The following FGD4 variants were observed in gnomAD, a reference collection of about 807,000 sequenced individuals.
FGD4 encodes the protein FYVE, RhoGEF and PH domain-containing protein 4.
In FGD4, 42 loss-of-function variants were observed where a neutral mutation model predicts 102.0. The ratio of observed to expected loss-of-function variants is 0.41; its 90% CI spans 0.32 to 0.53. FGD4 has a LOEUF of 0.53. Among genes scored for constraint, FGD4 ranks in the 20% least tolerant of loss-of-function variants. The probability of loss-of-function intolerance (pLI) is 0.21; values close to 1 mark genes in which losing one functional copy is unlikely to be tolerated. For missense variants in FGD4, 902 were observed against 1,078.2 expected (o/e 0.84, Z 2.29); for synonymous variants, 380 against 375.7 (o/e 1.01, Z -0.13).
At chr12:32,421,324 G>T (rs1175648579) in intron 1 of FGD4, among the ~76,000 whole-genome samples, 1 of 152,094 alleles carries the variant, frequency 6.6e-6, no homozygotes, top group Non-Finnish European at 1.5e-5. Context: ...TTTGTGCTGG[G>T]GTGTATTAGA....
intron 1 of FGD4, among the ~76,000 whole-genome samples, chr12:32,421,572 C>G (rs972115595): frequency 6.6e-6 from 1 of 152,122 alleles, no homozygotes; most frequent in Non-Finnish European, 1.5e-5. Context: ...TCTATCATAT[C>G]CCATTTCCAC....
intron 1 of FGD4, among the ~76,000 whole-genome samples, chr12:32,503,258 C>T (rs1299634347): frequency 6.6e-6 from 1 of 152,120 alleles, no homozygotes; most frequent in Non-Finnish European, 1.5e-5. Context: ...CTCTGTGAGT[C>T]TAACTGGGTC....
chr12:32,424,009 A>G (rs1241952470), intron 1 of FGD4, among the ~76,000 whole-genome samples: 1 of 152,150 alleles, frequency 6.6e-6, no homozygotes, highest in Non-Finnish European at 1.5e-5. Context: ...CATTTGACTT[A>G]ACATAATGTT....
chr12:32,614,746 T>A (rs1035506354), intron 10 of FGD4, among the ~76,000 whole-genome samples: 1 of 152,254 alleles, frequency 6.6e-6, no homozygotes, highest in African/African-American at 2.4e-5. Context: ...GTTAATAGTG[T>A]AAAAACTACT....
chr12:32,438,883 C>G (rs2136451344), intron 1 of FGD4, among the ~76,000 whole-genome samples: 1 of 152,236 alleles, frequency 6.6e-6, no homozygotes, highest in Middle Eastern at 3.4e-3. Context: ...GCTGGGATTA[C>G]AGGCGTGAGC....
intron 1 of FGD4, among the ~76,000 whole-genome samples, chr12:32,475,524 A>G (rs945478275): frequency 6.6e-6 from 1 of 152,194 alleles, no homozygotes; most frequent in Admixed American, 6.5e-5. Context: ...TGGTCTAGTT[A>G]TGTGATTCCA....
intron 8 of FGD4, among the ~76,000 whole-genome samples, chr12:32,609,905 C>T (rs1386881773): frequency 6.6e-6 from 1 of 152,148 alleles, no homozygotes; most frequent in Non-Finnish European, 1.5e-5. Flanking sequence ...AGCAAGAGGT[C>T]TCGGCATCCA....
intron 1 of FGD4, among the ~76,000 whole-genome samples, chr12:32,541,346 A>G (rs1242834535): frequency 1.3e-5 from 2 of 152,200 alleles, no homozygotes; most frequent in African/African-American, 4.8e-5. Flanking sequence ...GCTAAATATT[A>G]AATGTTTAGT....
intron 1 of FGD4, among the ~76,000 whole-genome samples, chr12:32,451,927 G>C (rs1361208678): frequency 6.8e-6 from 1 of 146,344 alleles, no homozygotes; most frequent in African/African-American, 2.5e-5. Flanking sequence ...TTTCCTACCT[G>C]CCCGAGCTAT....
chr12:32,473,270 T>C (rs1591969473), intron 1 of FGD4, among the ~76,000 whole-genome samples: 1 of 151,788 alleles, frequency 6.6e-6, no homozygotes, highest in Non-Finnish European at 1.5e-5. Flanking sequence ...TTCCACACTG[T>C]GGAAGTTTTG....
Position 32,399,757 on chromosome 12 carries a change from C to A in FGD4, c.-37C>A. 6.6e-7 allele frequency: 1 copy of A among 1,524,270 alleles called. No homozygotes were observed. Among genetic ancestry groups the A allele is most frequent in the East Asian group, 2.5e-5 (1 of 39,486 alleles). 94.4% of individuals were successfully genotyped at this position (1,524,270 alleles called of 1,614,324 possible). On this transcript the variant is annotated 5_prime_UTR_variant, in exon 1 of 17. Coordinates refer to ENST00000534526, the MANE Select transcript of FGD4 (RefSeq NM_001370298.3). ...GGGGCCGCTCGCGGCTGGACGGGAG[C>A]GGGAGGAGTCGGGGAGCGGCGGTCG...
intron 1 of FGD4, among the ~76,000 whole-genome samples, chr12:32,525,511 G>C (rs565219173): frequency 2.4e-4 from 37 of 152,342 alleles, no homozygotes; most frequent in African/African-American, 6.5e-4. Context: ...CAGCGTGCTG[G>C]CAGTCCTCAG....
At chr12:32,412,178 G>C (rs1565725069) in intron 1 of FGD4, among the ~76,000 whole-genome samples, 1 of 152,184 alleles carries the variant, frequency 6.6e-6, no homozygotes, top group Non-Finnish European at 1.5e-5. Context: ...TGAGGGAACA[G>C]AGACTGATGT....
At chr12:32,461,788 G>A (rs1943110843) in intron 1 of FGD4, among the ~76,000 whole-genome samples, 1 of 152,078 alleles carries the variant, frequency 6.6e-6, no homozygotes, top group South Asian at 2.1e-4. Flanking sequence ...GTGCAGTGCC[G>A]CGATCTCAGC....
chr12:32,424,242 C>T (rs376296511), intron 1 of FGD4, among the ~76,000 whole-genome samples: 1 of 151,956 alleles, frequency 6.6e-6, no homozygotes, highest in Non-Finnish European at 1.5e-5. Context: ...CTAACAGGCC[C>T]CGGTATGTGA....
Position 32,640,666 on chromosome 12 carries a change from T to C in FGD4, c.*133T>C. ...CATAAATGCATCTTTTGAGGACTAT[T>C]TTCCTATGTTTATGTACTCTTAGTG... On this transcript the variant is annotated 3_prime_UTR_variant, in exon 17 of 17. Transcript: ENST00000534526. 8.1e-7 allele frequency: 1 copy of C among 1,232,196 alleles called. No homozygotes were observed. Among genetic ancestry groups the C allele is most frequent in the Middle Eastern group, 2.7e-4 (1 of 3,716 alleles). The allele number at this position is 1,232,196 out of a possible 1,614,324, so 76.3% of individuals were successfully genotyped here. A position where few individuals can be genotyped will look rare whatever the true frequency, so the allele number is the denominator to read the frequency against.
intron 1 of FGD4, among the ~76,000 whole-genome samples, chr12:32,528,467 C>T (rs1212185021): frequency 6.6e-6 from 1 of 152,200 alleles, no homozygotes; most frequent in African/African-American, 2.4e-5. Context: ...CAGCTCACTG[C>T]AACCTCTGCC....
chr12:32,422,224 C>T (rs1206702318), intron 1 of FGD4, among the ~76,000 whole-genome samples: 1 of 145,782 alleles, frequency 6.9e-6, no homozygotes, highest in Non-Finnish European at 1.5e-5. Context: ...ATCTCTTAAT[C>T]TATTTCATTC....
chr12:32,633,832 C>T (rs901461874), intron 15 of FGD4, 143 bp downstream of exon 15: 15 of 717,230 alleles, frequency 2.1e-5, no homozygotes, highest in East Asian at 6.2e-5. Flanking sequence ...TACAGGCCCA[C>T]GCCACCATGC....
Sources: allele counts gnomAD v4.1 joint callset (sites outside exome capture counted in the v4.1 genomes callset), GRCh38; gene constraint gnomAD v4.1.1; transcripts MANE v1.5; gene names NCBI Gene and HGNC (gene_info 2026-07-23, HGNC 2026-07-21).